Variants in PCDHGA2 observed in about 807,000 individuals in gnomAD.
PCDHGA2 encodes the protein protocadherin gamma subfamily A, 2.
Under a neutral mutation model 59.2 loss-of-function variants are expected in PCDHGA2, and 40 were observed. The observed-to-expected ratio is 0.68, with a 90% CI of 0.52 to 0.88. The LOEUF is 0.88. Among genes scored for constraint, PCDHGA2 ranks in the 40% least tolerant of loss-of-function variants. The pLI is 0.00. For missense variants in PCDHGA2, 1,226 were observed against 1,204.0 expected (o/e 1.02, Z -0.27); for synonymous variants, 560 against 526.0 (o/e 1.06, Z -0.89).
At chr5:141,425,214 A>G (rs999893857) in intron 1 of PCDHGA2, among the ~76,000 whole-genome samples, 2 of 152,178 alleles carry the variant, frequency 1.3e-5, no homozygotes, top group Non-Finnish European at 2.9e-5. Context: ...AAGGCATTGT[A>G]CTTTGACTGG....
intron 1 of PCDHGA2, chr5:141,393,474 C>G (rs773609499): frequency 3.1e-6 from 5 of 1,614,044 alleles, no homozygotes; most frequent in Non-Finnish European, 4.2e-6. Flanking sequence ...CGGCAAGCCG[C>G]CTCGCTCTAG....
intron 2 of PCDHGA2, among the ~76,000 whole-genome samples, chr5:141,503,824 C>G (rs1216231770): frequency 1.3e-5 from 2 of 152,058 alleles, no homozygotes; most frequent in South Asian, 4.1e-4. Context: ...TTGGGCAAAA[C>G]CAAAAGCAGG....
rs1020143604 is a variant in PCDHGA2, at chr5:141,387,463, C to T, written c.2424+46068C>T. 8.8e-4 allele frequency among the ~76,000 whole-genome samples: 134 copies of T among 152,318 alleles called. 2 individuals are homozygous for T. Among genetic ancestry groups the T allele is most frequent in the East Asian group, 3.9e-4 (2 of 5,186 alleles). ...TAATCTACATGATTTGCCTAAAAAT[C>T]CTCAAAGTTGGGATGAAGGCATTCC... On this transcript the variant is annotated intron_variant, in intron 1 of 3. Transcript: ENST00000394576.
chr5:141,358,882 T>C (rs573260789), intron 1 of PCDHGA2, among the ~76,000 whole-genome samples: 1 of 152,374 alleles, frequency 6.6e-6, no homozygotes, highest in African/African-American at 2.4e-5. Flanking sequence ...CATGTGGCTC[T>C]GGGATTATTT....
intron 1 of PCDHGA2, among the ~76,000 whole-genome samples, chr5:141,448,521 GCATCCTGTCAGCATTTC>G (rs1378426350): frequency 1.3e-5 from 2 of 151,994 alleles, no homozygotes; most frequent in Non-Finnish European, 2.9e-5. Flanking sequence ...ACTTTATTAA[GCATCCTGTCAGCATTTC>G]TTATGCAAAT....
intron 1 of PCDHGA2, chr5:141,367,126 T>C (rs1038047852): frequency 3.8e-5 from 8 of 211,274 alleles, no homozygotes; most frequent in Non-Finnish European, 6.6e-5. Context: ...AGTGAATGTG[T>C]TTTGGAAAGG....
At chr5:141,479,023 GT>G (rs1436478867) in intron 1 of PCDHGA2, among the ~76,000 whole-genome samples, 1 of 152,056 alleles carries the variant, frequency 6.6e-6, no homozygotes, top group Non-Finnish European at 1.5e-5. Context: ...ATTTTCCTTT[GT>G]TTATACAGAT....
intron 2 of PCDHGA2, among the ~76,000 whole-genome samples, chr5:141,496,206 A>C (rs2099766963): frequency 6.6e-6 from 1 of 152,126 alleles, no homozygotes; most frequent in South Asian, 2.1e-4. Context: ...TCAATCTGGT[A>C]TGAATTCCTG....
intron 1 of PCDHGA2, chr5:141,414,689 T>G (rs1256681548): frequency 1.2e-6 from 2 of 1,614,070 alleles, no homozygotes; most frequent in Non-Finnish European, 8.5e-7. Context: ...GGGGTACCTC[T>G]GTCCTCATAC....
intron 1 of PCDHGA2, chr5:141,441,116 C>G (rs1358636787): frequency 3.3e-5 from 5 of 152,156 alleles, no homozygotes; most frequent in Non-Finnish European, 7.3e-5. Context: ...GTCCAGTGTA[C>G]AGTTGAGACC....
intron 1 of PCDHGA2, among the ~76,000 whole-genome samples, chr5:141,463,099 A>G (rs1445730117): frequency 1.4e-4 from 21 of 152,204 alleles, no homozygotes; most frequent in Admixed American, 1.4e-3. Context: ...CTATGTGACC[A>G]TCAAGAATTC....
chr5:141,366,256 C>T (rs751677361), intron 1 of PCDHGA2: 9 of 1,613,584 alleles, frequency 5.6e-6, no homozygotes, highest in African/African-American at 2.7e-5. Context: ...AGCAGAGCCT[C>T]GTGGTGGCCG....
At chr5:141,365,048 C>T (rs1211654942) in intron 1 of PCDHGA2, 2 of 1,613,776 alleles carry the variant, frequency 1.2e-6, no homozygotes, top group East Asian at 2.2e-5. Flanking sequence ...CGACAATGCG[C>T]CCCTGTTCAC....
At chr5:141,413,931 A>T (rs776911095) in intron 1 of PCDHGA2, 1 of 1,613,254 alleles carries the variant, frequency 6.2e-7, no homozygotes, top group Non-Finnish European at 8.5e-7. Flanking sequence ...CAGAATACCG[A>T]GTGAGTGTTC....
In PCDHGA2 at chr5:141,433,040, A is replaced by ACGGACT. The variant is rs753119003; in HGVS notation, c.2425-61764_2425-61759dup. The ACGGACT allele has an allele frequency of 8.1e-6, 13 of 1,614,088 alleles. No homozygotes were observed. In the African/African-American group the frequency reaches 1.7e-4, roughly 22 times the overall value. On this transcript the variant is annotated intron_variant, in intron 1 of 3. Transcript: ENST00000394576. ...CTATTCCCACGAGGTTTCCCTCACC[A>ACGGACT]CGGACTCGCGGAAGAGTCACCTGAT...
In PCDHGA2 at chr5:141,340,885, C is replaced by T; in HGVS notation, c.1914C>T (p.Leu638=). The stretch of plus-strand genomic sequence containing the variant: ...GAGCCCTGCTGGACAGAGACGCGCT[C>T]AAGCAGAGCCTCGTGGTGGCCATCC... The part of the protein sequence containing the change: ...TARALLDRDA[L]KQSLVVAIQD... Residue 638 remains leucine, a synonymous_variant, in exon 1 of 4, where the codon CTC becomes CTT. Coordinates refer to ENST00000394576, the MANE Select transcript of PCDHGA2 (RefSeq NM_018915.4). 6.2e-7 allele frequency: 1 copy of T among 1,613,682 alleles called. No homozygotes were observed. Among genetic ancestry groups the T allele is most frequent in the East Asian group, 2.2e-5 (1 of 44,846 alleles).
chr5:141,347,137 C>CTTTCTTTCTTTCTTTCTTTCTT (rs1554073405), intron 1 of PCDHGA2, among the ~76,000 whole-genome samples: 2 of 113,744 alleles, frequency 1.8e-5, no homozygotes, highest in East Asian at 2.4e-4. Flanking sequence ...CTCTGTTTCT[C>CTTTCTTTCTTTCTTTCTTTCTT]TCTTTCTTTC....
intron 1 of PCDHGA2, among the ~76,000 whole-genome samples, chr5:141,483,644 G>A (rs2099584188): frequency 6.8e-6 from 1 of 146,522 alleles, no homozygotes; most frequent in African/African-American, 2.7e-5. Context: ...AGAGGGGTGT[G>A]TGTTTGTGTG....
chr5:141,357,778 A>T, intron 1 of PCDHGA2: 3 of 896,478 alleles, frequency 3.3e-6, no homozygotes, highest in Non-Finnish European at 5.0e-6. Context: ...AATAATGATC[A>T]ACAGTATTTA....
Sources: allele counts gnomAD v4.1 joint callset (sites outside exome capture counted in the v4.1 genomes callset), GRCh38; gene constraint gnomAD v4.1.1; transcripts MANE v1.5; gene names NCBI Gene and HGNC (gene_info 2026-07-23, HGNC 2026-07-21).